The following TARBP1 variants were observed in gnomAD, a reference collection of about 807,000 sequenced individuals.
The protein encoded by TARBP1 is tRNA (guanosine(18)-2'-O)-methyltransferase TARBP1.
TARBP1 carries 144 observed loss-of-function variants against 178.6 expected under a neutral mutation model. The observed-to-expected ratio is 0.81, with a 90% CI of 0.70 to 0.93. The LOEUF is 0.93. TARBP1 is among the 40% of genes least tolerant of loss of function. TARBP1 has a pLI of 0.00. For missense variants in TARBP1, 2,067 were observed against 2,011.7 expected (o/e 1.03, Z -0.53); for synonymous variants, 787 against 781.0 (o/e 1.01, Z -0.13).
intron 25 of TARBP1, among the ~76,000 whole-genome samples, chr1:234,399,355 ACTT>A (rs974199685): frequency 1.3e-5 from 2 of 152,224 alleles, no homozygotes; most frequent in African/African-American, 4.8e-5. Context: ...ATCTGTGCAA[ACTT>A]AAACTGGCAC....
intron 12 of TARBP1, among the ~76,000 whole-genome samples, chr1:234,446,272 A>G (rs967743519): frequency 2.0e-5 from 3 of 152,174 alleles, no homozygotes; most frequent in African/African-American, 7.2e-5. Flanking sequence ...TAAGGAGAGA[A>G]GAAAGAGCTC....
chr1:234,456,407 G>T (rs1386046011), intron 9 of TARBP1, among the ~76,000 whole-genome samples: 1 of 152,148 alleles, frequency 6.6e-6, no homozygotes, highest in Non-Finnish European at 1.5e-5. Context: ...CGCCATGCTG[G>T]CCAGGCTGGT....
chr1:234,408,017 T>C (rs1191735605), intron 23 of TARBP1: 1 of 152,212 alleles, frequency 6.6e-6, no homozygotes, highest in Non-Finnish European at 1.5e-5. Context: ...GTGCTTCCTA[T>C]GGAGCCCACA....
chr1:234,417,248 G>A (rs1662528591), intron 22 of TARBP1, among the ~76,000 whole-genome samples: 1 of 152,182 alleles, frequency 6.6e-6, no homozygotes, highest in Non-Finnish European at 1.5e-5. Context: ...GAAGACACTG[G>A]ATGATAGCTG....
intron 14 of TARBP1, among the ~76,000 whole-genome samples, chr1:234,431,904 G>A (rs1041831391): frequency 3.9e-5 from 6 of 152,110 alleles, no homozygotes; most frequent in South Asian, 2.1e-4. Context: ...TTGGGAGGCC[G>A]AGGTGGGTGG....
intron 3 of TARBP1, among the ~76,000 whole-genome samples, chr1:234,468,453 G>C (rs895486452): frequency 1.3e-5 from 2 of 152,122 alleles, no homozygotes; most frequent in African/African-American, 4.8e-5. Context: ...GGGCAACAGA[G>C]TGAGACTCTG....
chr1:234,478,738 C>T lies in TARBP1; in HGVS notation c.366G>A (p.Glu122=), dbSNP rs1183311858. ...GRPQLAAALA[E]EALRDLLAGW... ...CGGCGAGCAGATCGCGCAGCGCCTC[C>T]TCAGCCAGCGCGGCCGCCAGCTGCG... The change falls in exon 1 of 30, where the codon GAG becomes GAA. Residue 122 remains glutamate (E), a synonymous_variant. Coordinates refer to ENST00000040877, the MANE Select transcript of TARBP1 (RefSeq NM_005646.4). 2.8e-5 allele frequency: 33 copies of T among 1,180,930 alleles called. No homozygotes were observed. Among genetic ancestry groups the T allele is most frequent in the Non-Finnish European group, 3.3e-5 (32 of 956,504 alleles). The allele number at this position is 1,180,930 out of a possible 1,614,324, so 73.2% of individuals were successfully genotyped here.
intron 1 of TARBP1, among the ~76,000 whole-genome samples, chr1:234,476,118 G>A (rs551538250): frequency 6.4e-4 from 98 of 152,304 alleles, no homozygotes; most frequent in African/African-American, 2.3e-3. Context: ...AACTATAATT[G>A]ATATGCTAAA....
rs1296455370 is a variant in TARBP1 at position 234,478,565 on chromosome 1, T to TCATCCCCGTCCC, written c.527_538dup (p.Gly176_Asp179dup). The TCATCCCCGTCCC allele has an allele frequency of 7.7e-7, 1 of 1,297,580 alleles. No individual in the cohort carries two copies. Among genetic ancestry groups the TCATCCCCGTCCC allele is most frequent in the East Asian group, 3.4e-5 (1 of 29,444 alleles). 80.4% of individuals were successfully genotyped at this position (1,297,580 alleles called of 1,614,324 possible). A position where few individuals can be genotyped will look rare whatever the true frequency, so the allele number is the denominator to read the frequency against. Reference sequence around the variant, plus strand: ...CGCCGCGTCCTCGGCAGGCCCGGCCTCATCCCCGTCCCCGCCCCCGCCCAG... The same window carrying TCATCCCCGTCCC: ...CGCCGCGTCCTCGGCAGGCCCGGCCTCATCCCCGTCCCCATCCCCGTCCCCGCCCCCGCCCAG... On this transcript the variant is annotated inframe_insertion, in exon 1 of 30. Transcript: ENST00000040877.
At chr1:234,412,791 G>C (rs939810892) in intron 22 of TARBP1, among the ~76,000 whole-genome samples, 1 of 152,192 alleles carries the variant, frequency 6.6e-6, no homozygotes. Flanking sequence ...GTGATAAGCA[G>C]GAAAGACTGA....
intron 10 of TARBP1, 150 bp from the exon 11 acceptor site, chr1:234,448,729 C>A (rs1213212699): frequency 3.9e-5 from 25 of 644,540 alleles, no homozygotes; most frequent in Non-Finnish European, 6.4e-5. Flanking sequence ...CACCCTAGAG[C>A]ATGGCTCATT....
intron 9 of TARBP1, among the ~76,000 whole-genome samples, chr1:234,451,000 C>G (rs1368611065): frequency 6.6e-6 from 1 of 152,156 alleles, no homozygotes; most frequent in Non-Finnish European, 1.5e-5. Context: ...GCTTCACATG[C>G]TAAAACAAGA....
rs1237308346 is a variant in TARBP1 at position 234,429,512 on chromosome 1, T to C, written c.2775A>G (p.Pro925=). The C allele has an allele frequency of 4.3e-6, 7 of 1,614,078 alleles. No individual in the cohort carries two copies. Among genetic ancestry groups the C allele is most frequent in the African/African-American group, 1.3e-5 (1 of 74,912 alleles). ...LEPFLPAVQM[P]IRTLQSALEA... is the part of the protein sequence containing the mutation. ...CTAGTGCAGACTGCAAAGTCCTTAT[T>C]GGCATCTGAACGGCAGGTAGAAACG... The change falls in exon 16 of 30, where the codon CCA becomes CCG. Residue 925 remains proline, a synonymous_variant. Coordinates refer to ENST00000040877, the MANE Select transcript of TARBP1 (RefSeq NM_005646.4).
chr1:234,414,727 G>A (rs1171640918), intron 22 of TARBP1, among the ~76,000 whole-genome samples: 3 of 152,182 alleles, frequency 2.0e-5, no homozygotes, highest in African/African-American at 7.2e-5. Flanking sequence ...GCTCATGCCT[G>A]TAATCCCAGC....
chr1:234,429,699 C>T, intron 15 of TARBP1, 22 bp from the exon 16 acceptor site: 1 of 1,561,466 alleles, frequency 6.4e-7, no homozygotes, highest in Non-Finnish European at 8.6e-7. Flanking sequence ...AATAAAGTTA[C>T]TAGGCCATAC....
chr1:234,467,781 G>GT (rs1409681069), intron 3 of TARBP1, 131 bp from the exon 4 acceptor site: 2 of 1,003,406 alleles, frequency 2.0e-6, no homozygotes, highest in Non-Finnish European at 2.7e-6. Flanking sequence ...TTTTGTTACT[G>GT]TTTTTTGAGA....
intron 24 of TARBP1, chr1:234,405,479 G>A (rs1273461448): frequency 1.3e-5 from 2 of 157,924 alleles, no homozygotes; most frequent in Non-Finnish European, 2.8e-5. Context: ...GTATGATTTT[G>A]TCTGCGGAAT....
rs1405190541 is a variant in TARBP1 at position 234,471,311 on chromosome 1, T to G, written c.1030-54A>C. On this transcript the variant is annotated intron_variant, in intron 2 of 29. Transcript: ENST00000040877. Reference sequence around the variant, plus strand: ...AAATGAAAATGCATCTTGAAAAATGTCAGGCAATTTTCATCTCTTTATTTC... The same window carrying G: ...AAATGAAAATGCATCTTGAAAAATGGCAGGCAATTTTCATCTCTTTATTTC... 1.4e-5 allele frequency: 16 copies of G among 1,162,340 alleles called. No homozygotes were observed. In the Admixed American group the frequency reaches 3.6e-4, roughly 26 times the overall value. The allele number at this position is 1,162,340 out of a possible 1,614,324, so 72.0% of individuals were successfully genotyped here. A position where few individuals can be genotyped will look rare whatever the true frequency, so the allele number is the denominator to read the frequency against.
At chr1:234,445,931 GTAAA>G (rs1666121535) in intron 12 of TARBP1, among the ~76,000 whole-genome samples, 1 of 152,160 alleles carries the variant, frequency 6.6e-6, no homozygotes. Flanking sequence ...GAGCATAGGA[GTAAA>G]TAGTCAGGAC....
Sources: allele counts gnomAD v4.1 joint callset (sites outside exome capture counted in the v4.1 genomes callset), GRCh38; gene constraint gnomAD v4.1.1; transcripts MANE v1.5; gene names NCBI Gene and HGNC (gene_info 2026-07-23, HGNC 2026-07-21).